PRPF39: variants seen among roughly 807,000 people sequenced by gnomAD.
PRPF39 encodes the protein pre-mRNA processing factor 39, also known as pre-mRNA-processing factor 39.
PRPF39 carries 27 observed loss-of-function variants against 82.1 expected under a neutral mutation model. That is an observed-to-expected ratio of 0.33 (90% CI 0.24 to 0.45). The LOEUF is 0.45. Among genes scored for constraint, PRPF39 ranks in the 20% least tolerant of loss-of-function variants. The pLI, the probability that PRPF39 is intolerant of heterozygous loss-of-function variation, is 1.00. For synonymous variants in PRPF39, 261 were observed against 256.4 expected, an observed-to-expected ratio of 1.02 and a Z score of -0.17; for missense variants, 581 against 796.9, an observed-to-expected ratio of 0.73 and a Z score of 3.26.
Position 45,114,484 on chromosome 14 carries a change from T to G in PRPF39, c.1833-10T>G. ...AGTTTTGAAAGTTTCCATTCTGACG[T>G]TTTATATAGATCAGAAGAACCAGAG... On this transcript the variant is annotated splice_polypyrimidine_tract_variant and intron_variant, in intron 12 of 13. Transcript: ENST00000355765. The G allele has an allele frequency of 6.4e-7, 1 of 1,562,648 alleles. No homozygotes were observed.
At chr14:45,096,687 C>T (rs778980284) in intron 3 of PRPF39, 200 bp from the exon 4 acceptor site, 5 of 1,515,814 alleles carry the variant, frequency 3.3e-6, no homozygotes, top group Non-Finnish European at 4.4e-6. Flanking sequence ...GGGACTGCTG[C>T]GCTTTGAAGA....
intron 4 of PRPF39, among the ~76,000 whole-genome samples, chr14:45,097,821 A>T (rs2139047050): frequency 6.6e-6 from 1 of 152,364 alleles, no homozygotes; most frequent in South Asian, 2.1e-4. Flanking sequence ...GTTTTCAAAA[A>T]AAAGCATGTG....
At chr14:45,085,451 GAT>G (rs1306417938) in intron 1 of PRPF39, among the ~76,000 whole-genome samples, 2 of 152,156 alleles carry the variant, frequency 1.3e-5, no homozygotes, top group African/African-American at 2.4e-5. Context: ...AAAGTCAAAT[GAT>G]AAAAATTGTA....
At chr14:45,099,007 A>G (rs886514472) in intron 4 of PRPF39, among the ~76,000 whole-genome samples, 8 of 152,216 alleles carry the variant, frequency 5.3e-5, no homozygotes, top group African/African-American at 1.9e-4. Context: ...TTATTCCTTT[A>G]TAGCTTCTGC....
chr14:45,104,420 C>G (rs1471252114), intron 5 of PRPF39, among the ~76,000 whole-genome samples: 1 of 151,952 alleles, frequency 6.6e-6, no homozygotes, highest in Non-Finnish European at 1.5e-5. Flanking sequence ...TTGAGAACCA[C>G]TGAATGTTTT....
chr14:45,110,288 G>T lies in PRPF39; in HGVS notation c.1303+68G>T. On this transcript the variant is annotated intron_variant, in intron 9 of 13. Transcript: ENST00000355765. The surrounding 1 kb of genome is among the most constrained non-coding windows in gnomAD (Gnocchi z 4.0). ...TTATTTCAGGAAACAGTGACAAATT[G>T]AGTGGTAAGGGATGGTGTAAAGCAG... 11 of 1,583,010 alleles carry T rather than the reference G, an allele frequency of 6.9e-6. No individual in the cohort carries two copies. The highest frequency in any genetic ancestry group is 8.6e-6 in the Non-Finnish European group (10 of 1,158,342).
chr14:45,096,980 C>T lies in PRPF39; in HGVS notation c.544C>T (p.Pro182Ser). The T allele has an allele frequency of 6.5e-7, 1 of 1,549,666 alleles. No individual in the cohort carries two copies. The highest frequency in any genetic ancestry group is 8.7e-7 in the Non-Finnish European group (1 of 1,147,066). Residue 182 changes from proline (P) to serine (S), a missense_variant, in exon 4 of 14, where the codon CCT becomes TCT. Transcript: ENST00000355765. Reference sequence around the variant, plus strand: ...AAAAGAAACATTGGACCCTGGTGATCCTGAGACAAACAATACAATAAGAGG... The same window carrying T: ...AAAAGAAACATTGGACCCTGGTGATTCTGAGACAAACAATACAATAAGAGG... Reference protein sequence around the residue: ...FLKETLDPGDPETNNTIRGTF... With the variant: ...FLKETLDPGDSETNNTIRGTF...
intron 3 of PRPF39, chr14:45,096,605 T>C (rs976929257): frequency 4.1e-6 from 6 of 1,462,304 alleles, no homozygotes; most frequent in Non-Finnish European, 5.5e-6. Flanking sequence ...GACGCTGTCA[T>C]TGATGCTCTA....
intron 1 of PRPF39, among the ~76,000 whole-genome samples, chr14:45,094,732 A>G (rs1190740019): frequency 6.6e-6 from 1 of 152,162 alleles, no homozygotes; most frequent in Non-Finnish European, 1.5e-5. Flanking sequence ...CTTTTCTAAA[A>G]CTTTATCCTG....
At chr14:45,086,489 C>T (rs973286165) in intron 1 of PRPF39, among the ~76,000 whole-genome samples, 1 of 151,978 alleles carries the variant, frequency 6.6e-6, no homozygotes, top group African/African-American at 2.4e-5. Flanking sequence ...GAAAAGGAAT[C>T]GACTGGTTTG....
Position 45,110,106 on chromosome 14 carries a change from A to G in PRPF39, c.1189A>G (p.Met397Val). 1.9e-6 allele frequency: 3 copies of G among 1,613,544 alleles called. No homozygotes were observed. The highest frequency in any genetic ancestry group is 1.7e-6 in the Non-Finnish European group (2 of 1,179,534). The change falls in exon 9 of 14, where the codon ATG becomes GTG. Residue 397 changes from methionine to valine, a missense_variant. Transcript: ENST00000355765. The surrounding 1 kb of genome is among the most constrained non-coding windows in gnomAD (Gnocchi z 4.0). ...EEFWIKYAKY[M>V]ENHSIEGVRH... is the part of the protein sequence containing the mutation. ...TTTCTGTATGTAGTATGCCAAGTAC[A>G]TGGAAAACCATAGCATTGAAGGAGT...
chr14:45,110,035 C>A lies in PRPF39; in HGVS notation c.1177-59C>A. 6.2e-7 allele frequency: 1 copy of A among 1,602,810 alleles called. No homozygotes were observed. The highest frequency in any genetic ancestry group is 8.5e-7 in the Non-Finnish European group (1 of 1,172,990). Reference sequence around the variant, plus strand: ...AAAATAGAATTTTATCGTTCTGTCACAAATTTAATGGCTTGTTCAACTGTA... The same window carrying A: ...AAAATAGAATTTTATCGTTCTGTCAAAAATTTAATGGCTTGTTCAACTGTA... On this transcript the variant is annotated intron_variant, in intron 8 of 13. Coordinates refer to ENST00000355765, the MANE Select transcript of PRPF39 (RefSeq NM_017922.4). This position sits in a 1 kb window ranked among gnomAD's most constrained non-coding sequence, Gnocchi z 4.0.
intron 4 of PRPF39, among the ~76,000 whole-genome samples, chr14:45,101,204 GA>G (rs1400137080): frequency 6.6e-6 from 1 of 152,164 alleles, no homozygotes; most frequent in Non-Finnish European, 1.5e-5. Flanking sequence ...TTGTATTCTA[GA>G]TGAATAGTAG....
chr14:45,096,373 T>G (rs1458813542), intron 3 of PRPF39, 145 bp downstream of exon 3: 1 of 1,527,232 alleles, frequency 6.5e-7, no homozygotes, highest in African/African-American at 1.4e-5. Flanking sequence ...TTTATTTGCA[T>G]TTGTCACTCT....
At position 45,115,476 on chromosome 14, in the gene PRPF39, A is replaced by T. The variant is rs747081587; in HGVS notation, c.*563A>T. On this transcript the variant is annotated 3_prime_UTR_variant, in exon 14 of 14. Coordinates refer to ENST00000355765, the MANE Select transcript of PRPF39 (RefSeq NM_017922.4). ...TTGCATCCCTTTAAAAATGAAAATC[A>T]TATCAAAAGTATGTTGTTTCAGGAG... The T allele has an allele frequency of 6.6e-6, 1 of 152,630 alleles. No individual in the cohort carries two copies. Among genetic ancestry groups the T allele is most frequent in the African/African-American group, 2.4e-5 (1 of 41,458 alleles). 9.5% of individuals were successfully genotyped at this position (152,630 alleles called of 1,614,324 possible).
intron 1 of PRPF39, among the ~76,000 whole-genome samples, chr14:45,089,565 C>G (rs1379512090): frequency 6.6e-6 from 1 of 152,192 alleles, no homozygotes; most frequent in Non-Finnish European, 1.5e-5. Flanking sequence ...ACTCCCACTT[C>G]AGCCTCCGGC....
intron 4 of PRPF39, among the ~76,000 whole-genome samples, chr14:45,099,897 C>G (rs1034293929): frequency 6.6e-6 from 1 of 152,150 alleles, no homozygotes. Flanking sequence ...ACGGTTTCCT[C>G]TCAAATTTTT....
rs1412716651 is a variant in PRPF39 at position 45,114,168 on chromosome 14, T to A, written c.1758-15T>A. On this transcript the variant is annotated splice_polypyrimidine_tract_variant and intron_variant, in intron 11 of 13. Coordinates refer to ENST00000355765, the MANE Select transcript of PRPF39 (RefSeq NM_017922.4). ...TTTTGTATATTCCAGAGGATATTTT[T>A]TTCTTTCCTTTCAGGCTTCTGAATG... The A allele has an allele frequency of 6.5e-6, 10 of 1,543,642 alleles. No homozygotes were observed. Among genetic ancestry groups the A allele is most frequent in the Non-Finnish European group, 8.0e-6 (9 of 1,131,722 alleles).
At position 45,110,410 on chromosome 14, in the gene PRPF39, G is replaced by C; in HGVS notation, c.1304-139G>C. 8.4e-7 allele frequency: 1 copy of C among 1,194,814 alleles called. No individual in the cohort carries two copies. The highest frequency in any genetic ancestry group is 1.2e-6 in the Non-Finnish European group (1 of 862,922). The allele number at this position is 1,194,814 out of a possible 1,614,324, so 74.0% of individuals were successfully genotyped here. On this transcript the variant is annotated intron_variant, in intron 9 of 13. Coordinates refer to ENST00000355765, the MANE Select transcript of PRPF39 (RefSeq NM_017922.4). The surrounding 1 kb of genome is among the most constrained non-coding windows in gnomAD (Gnocchi z 4.0). Reference sequence around the variant, plus strand: ...CCATTGTAGCCCCGAAACAGCCATAGGCAGTGTGTAAATATGCATGGCTGT... The same window carrying C: ...CCATTGTAGCCCCGAAACAGCCATACGCAGTGTGTAAATATGCATGGCTGT...
Sources: gnomAD v4.1 joint callset for allele counts (sites outside exome capture counted in the v4.1 genomes callset) on GRCh38, gnomAD v4.1.1 for gene constraint, Gnocchi (gnomAD v3.1) non-coding constraint, MANE v1.5 for transcripts, NCBI Gene and HGNC (gene_info 2026-07-23, HGNC 2026-07-21) for gene names.